The following LTBP1 variants were observed in gnomAD, a reference collection of about 807,000 sequenced individuals.
The protein encoded by LTBP1 is latent-transforming growth factor beta-binding protein 1.
LTBP1 carries 129 observed loss-of-function variants against 207.6 expected under a neutral mutation model. The ratio of observed to expected loss-of-function variants is 0.62; its 90% CI spans 0.54 to 0.72. The LOEUF (loss-of-function observed/expected upper bound fraction) is 0.72. LTBP1 is among the 30% of genes least tolerant of loss of function. The probability of loss-of-function intolerance (pLI) is 0.00; values close to 1 mark genes in which losing one functional copy is unlikely to be tolerated. For synonymous variants in LTBP1, 963 were observed against 833.7 expected (o/e 1.16, Z -2.67); for missense variants, 2,281 against 2,217.2 (o/e 1.03, Z -0.58).
intron 24 of LTBP1, among the ~76,000 whole-genome samples, chr2:33,324,412 G>A (rs571767946): frequency 6.6e-6 from 1 of 151,518 alleles, no homozygotes; most frequent in South Asian, 2.1e-4. Context: ...GTATATATAT[G>A]GAAAAAAACA....
rs183503198 is a variant in LTBP1, at chr2:33,251,511, C to A, written c.2000-1166C>A. 5.7e-3 allele frequency among the ~76,000 whole-genome samples: 858 copies of A among 151,840 alleles called. 10 individuals carry two copies. Among genetic ancestry groups the A allele is most frequent in the African/African-American group, 0.02 (821 of 41,406 alleles). On this transcript the variant is annotated intron_variant, in intron 10 of 33. Transcript: ENST00000404816. ...CTGTCTCTACTAAAAATTCAAAGAACAAAATTAGCCGGGTGTGGTAGTGGG... is the reference window on the plus strand; with the variant it reads ...CTGTCTCTACTAAAAATTCAAAGAAAAAAATTAGCCGGGTGTGGTAGTGGG...
At chr2:33,175,294 C>G (rs2085912659) in intron 5 of LTBP1, among the ~76,000 whole-genome samples, 1 of 151,864 alleles carries the variant, frequency 6.6e-6, no homozygotes, top group Non-Finnish European at 1.5e-5. Context: ...CTACAATGAA[C>G]TCAAACAAAT....
At chr2:33,115,035 TATACACAC>T (rs1378310223) in intron 4 of LTBP1, among the ~76,000 whole-genome samples, 28 of 98,280 alleles carry the variant, frequency 2.8e-4, no homozygotes, top group African/African-American at 1.2e-3. Flanking sequence ...CAAACAGATA[TATACACAC>T]ACACACACAC....
intron 3 of LTBP1, among the ~76,000 whole-genome samples, chr2:33,054,250 G>A (rs948477586): frequency 6.6e-6 from 1 of 152,198 alleles, no homozygotes; most frequent in Admixed American, 6.5e-5. Context: ...GAATTGGGGT[G>A]TTGCAGGGAC....
chr2:33,214,986 T>C lies in LTBP1; in HGVS notation c.1702-2566T>C, dbSNP rs532002107. Among the ~76,000 whole-genome samples, 8 of 152,290 alleles carry C rather than the reference T, an allele frequency of 5.3e-5. No individual in the cohort carries two copies. The East Asian group carries it at 5.8e-4, about 11-fold the overall frequency. On this transcript the variant is annotated intron_variant, in intron 7 of 33. Coordinates refer to ENST00000404816, the MANE Select transcript of LTBP1 (RefSeq NM_206943.4). ...TTTTGTCTCGTAGGGTCGTTTCTTATGGAGTCTGGTACTTTCGAGAGGGCA... is the reference window on the plus strand; with the variant it reads ...TTTTGTCTCGTAGGGTCGTTTCTTACGGAGTCTGGTACTTTCGAGAGGGCA...
intron 3 of LTBP1, among the ~76,000 whole-genome samples, chr2:33,069,099 G>C (rs1418142342): frequency 1.3e-5 from 2 of 152,190 alleles, no homozygotes; most frequent in African/African-American, 4.8e-5. Flanking sequence ...GTTTACTCTT[G>C]TTCTGAAATT....
intron 31 of LTBP1, among the ~76,000 whole-genome samples, chr2:33,386,978 G>A (rs1421874590): frequency 2.6e-5 from 4 of 151,944 alleles, no homozygotes; most frequent in Non-Finnish European, 4.4e-5. Context: ...CTATAGGTAC[G>A]TGCCACCATG....
At chr2:32,996,601 T>C (rs1685314360) in intron 2 of LTBP1, among the ~76,000 whole-genome samples, 1 of 152,198 alleles carries the variant, frequency 6.6e-6, no homozygotes, top group African/African-American at 2.4e-5. Flanking sequence ...TGGTTGCTGC[T>C]GTTGTCTGCT....
At position 33,029,481 on chromosome 2, in the gene LTBP1, G is replaced by T. The variant is rs138143089; in HGVS notation, c.863+8275G>T. On this transcript the variant is annotated intron_variant, in intron 3 of 33. Transcript: ENST00000404816. ...AACAGAGTGAGACTCCATCTCAAAA[G>T]AAGAAAAAAAAAAGAAAGTTATTAT... is the stretch of plus-strand genomic sequence containing the variant. Among the ~76,000 whole-genome samples the T allele has an allele frequency of 3.3e-3, 498 of 149,162 alleles. 6 individuals carry two copies. Among genetic ancestry groups the T allele is most frequent in the African/African-American group, 0.011 (460 of 40,658 alleles).
At chr2:33,353,374 A>C (rs999677671) in intron 26 of LTBP1, among the ~76,000 whole-genome samples, 2 of 152,096 alleles carry the variant, frequency 1.3e-5, no homozygotes, top group Non-Finnish European at 2.9e-5. Context: ...CCCAAGATGG[A>C]ATTACAGGAT....
intron 24 of LTBP1, among the ~76,000 whole-genome samples, chr2:33,315,641 C>A (rs188441204): frequency 1.5e-4 from 23 of 152,180 alleles, no homozygotes; most frequent in Admixed American, 1.5e-3. Flanking sequence ...CTTGATCATT[C>A]TGTGTGTAAA....
intron 5 of LTBP1, among the ~76,000 whole-genome samples, chr2:33,175,619 A>G (rs1278862250): frequency 6.6e-6 from 1 of 152,234 alleles, no homozygotes; most frequent in Non-Finnish European, 1.5e-5. Flanking sequence ...ATCTAGAAGT[A>G]GAAATACCAT....
At chr2:33,203,399 G>A (rs2089536559) in intron 7 of LTBP1, among the ~76,000 whole-genome samples, 2 of 152,254 alleles carry the variant, frequency 1.3e-5, no homozygotes, top group Non-Finnish European at 2.9e-5. Flanking sequence ...GATTGAGAAT[G>A]TAGGGCTGGG....
chr2:33,110,353 TAACTA>T (rs1362516516), intron 3 of LTBP1, among the ~76,000 whole-genome samples: 4 of 152,212 alleles, frequency 2.6e-5, no homozygotes, highest in African/African-American at 9.7e-5. Flanking sequence ...TCACGCTTCT[TAACTA>T]GACAGGCAGG....
rs769264108 is a variant in LTBP1, at chr2:33,360,699, C to T, written c.4103C>T (p.Thr1368Met). 3.7e-6 allele frequency: 6 copies of T among 1,613,740 alleles called. No individual in the cohort carries two copies. The highest frequency in any genetic ancestry group is 5.1e-6 in the Non-Finnish European group (6 of 1,179,752). ...LCDNVLAPNV[T>M]KQECCCTSGV... is the part of the protein sequence containing the mutation. ...GATAATGTGTTGGCCCCCAATGTCA[C>T]GAAACAAGAATGCTGCTGTACATCA... The change falls in exon 27 of 34, where the codon ACG (threonine) becomes ATG (methionine). Residue 1368 changes from threonine (T) to methionine (M), a missense_variant. Thr to Met is a moderately conservative substitution (Grantham distance 81). Transcript: ENST00000404816.
chr2:33,084,816 G>T (rs219100), intron 3 of LTBP1, among the ~76,000 whole-genome samples: 1 of 152,156 alleles, frequency 6.6e-6, no homozygotes, highest in Non-Finnish European at 1.5e-5. Context: ...CCACAGCTGC[G>T]GGGTAGAGTC....
At chr2:33,008,561 T>G (rs1687245138) in intron 2 of LTBP1, among the ~76,000 whole-genome samples, 1 of 152,248 alleles carries the variant, frequency 6.6e-6, no homozygotes, top group Admixed American at 6.5e-5. Flanking sequence ...TGTTAGCATT[T>G]AAGTCTATTT....
intron 7 of LTBP1, among the ~76,000 whole-genome samples, chr2:33,209,906 A>G (rs1260560529): frequency 1.3e-5 from 2 of 152,210 alleles, no homozygotes; most frequent in East Asian, 3.8e-4. Flanking sequence ...TGAAAAACGG[A>G]TGTCTCTAGT....
intron 5 of LTBP1, among the ~76,000 whole-genome samples, chr2:33,139,190 A>T (rs983031707): frequency 1.3e-5 from 2 of 151,678 alleles, no homozygotes; most frequent in African/African-American, 2.4e-5. Flanking sequence ...ATTTCATTTG[A>T]TGCTTACTGC....
Sources: allele counts gnomAD v4.1 joint callset (sites outside exome capture counted in the v4.1 genomes callset), GRCh38; gene constraint gnomAD v4.1.1; transcripts MANE v1.5; gene names NCBI Gene and HGNC (gene_info 2026-07-23, HGNC 2026-07-21).